Variants in RSKR observed in about 807,000 individuals in gnomAD.
The protein encoded by RSKR is ribosomal protein S6 kinase-related protein.
A neutral mutation model predicts 56.8 loss-of-function variants in RSKR; 44 were observed. The observed-to-expected ratio is 0.77, with a 90% CI of 0.61 to 1.00. The LOEUF is 1.00. Among genes scored for constraint, RSKR ranks in the 50% least tolerant of loss-of-function variants. The probability of loss-of-function intolerance (pLI) is 0.00; values close to 1 mark genes in which losing one functional copy is unlikely to be tolerated. For missense variants in RSKR, 510 were observed against 506.9 expected, an observed-to-expected ratio of 1.01 and a Z score of -0.06; for synonymous variants, 181 against 188.0, an observed-to-expected ratio of 0.96 and a Z score of 0.30.
At position 28,613,292 on chromosome 17, in the gene RSKR, A is replaced by G. The variant is rs148695448; in HGVS notation, c.378T>C (p.Asp126=). The stretch of plus-strand genomic sequence containing the variant: ...CTGCAAATACAGCTTTCTGGGTGCA[A>G]TCTAGCACCTTGAGGACAGTTCCAA... ...GSFGTVLKVL[D]CTQKAVFAVK... The change falls in exon 3 of 12, where the codon GAT becomes GAC. Residue 126 remains aspartate (D), a synonymous_variant. Transcript: ENST00000301037. 68 of 1,613,884 alleles carry G rather than the reference A, an allele frequency of 4.2e-5. No individual in the cohort carries two copies. Among genetic ancestry groups the G allele is most frequent in the Middle Eastern group, 1.6e-4 (1 of 6,084 alleles).
chr17:28,614,034 G>A (rs1401306464), intron 1 of RSKR, 53 bp downstream of exon 1: 2 of 1,593,436 alleles, frequency 1.3e-6, no homozygotes, highest in Non-Finnish European at 1.7e-6. Flanking sequence ...CAGGACTCAA[G>A]CCCATGTCTC....
chr17:28,611,159 G>A lies in RSKR; in HGVS notation c.995C>T (p.Ser332Leu), dbSNP rs1185422627. The A allele has an allele frequency of 3.3e-6, 5 of 1,536,128 alleles. No individual in the cohort carries two copies. The highest frequency in any genetic ancestry group is 3.5e-6 in the Non-Finnish European group (4 of 1,146,838). Residue 332 changes from serine (S) to leucine (L), a missense_variant, in exon 11 of 12, where the codon TCA becomes TTA. Physicochemically the swap from Ser to Leu is moderately radical, Grantham distance 145 (BLOSUM62 -2). Coordinates refer to ENST00000301037, the MANE Select transcript of RSKR (RefSeq NM_001174103.2). ...EIPASLNQGL[S>L]LLLHELLCQN... ...CATCCTTACCTCATGGAGCAGGAGT[G>A]AGAGGCCCTGGTTAAGAGAAGCTGG...
chr17:28,611,842 C>G (rs757318105), intron 7 of RSKR, 47 bp from the exon 8 acceptor site: 1 of 1,613,846 alleles, frequency 6.2e-7, no homozygotes, highest in South Asian at 1.1e-5. Flanking sequence ...CCTTTCAACT[C>G]TCTTTCATCA....
At position 28,609,581 on chromosome 17, in the gene RSKR, A is replaced by G. The variant is rs2070784420; in HGVS notation, c.*897T>C. 1 of 151,904 alleles carries G rather than the reference A, an allele frequency of 6.6e-6. No individual in the cohort carries two copies. 9.4% of individuals were successfully genotyped at this position (151,904 alleles called of 1,614,324 possible). The stretch of plus-strand genomic sequence containing the variant: ...GACTGGCCTCAAGCTCCCAGACTAT[A>G]TTTTTTAGCTGCATTATTTAGGGGT... On this transcript the variant is annotated 3_prime_UTR_variant, in exon 12 of 12. Transcript: ENST00000301037.
In RSKR at chr17:28,610,280, G is replaced by GACAGGGAAGGA; in HGVS notation, c.*197_*198insTCCTTCCCTGT. ...TGTTGAATTGAGAGGTAGGTTGTAT[G>GACAGGGAAGGA]ATAGGGAAGGAATAGGGCCAGCTGT... On this transcript the variant is annotated 3_prime_UTR_variant, in exon 12 of 12. Coordinates refer to ENST00000301037, the MANE Select transcript of RSKR (RefSeq NM_001174103.2). The GACAGGGAAGGA allele has an allele frequency of 1.7e-6, 1 of 586,724 alleles. No individual in the cohort carries two copies. Among genetic ancestry groups the GACAGGGAAGGA allele is most frequent in the Non-Finnish European group, 3.0e-6 (1 of 330,422 alleles). The allele number at this position is 586,724 out of a possible 1,614,324, so 36.3% of individuals were successfully genotyped here.
chr17:28,611,732 C>G, intron 8 of RSKR, 36 bp downstream of exon 8: 1 of 1,613,996 alleles, frequency 6.2e-7, no homozygotes, highest in Non-Finnish European at 8.5e-7. Flanking sequence ...ACCAAAGTAC[C>G]TCTCATCCTG....
chr17:28,612,513 T>A (rs1235049842), intron 5 of RSKR, 105 bp downstream of exon 5: 1 of 1,416,488 alleles, frequency 7.1e-7, no homozygotes, highest in African/African-American at 1.4e-5. Flanking sequence ...AGAGGTGCCA[T>A]GAGAAGGGGG....
At position 28,611,375 on chromosome 17, in the gene RSKR, C is replaced by G; in HGVS notation, c.900+18G>C. On this transcript the variant is annotated intron_variant, in intron 10 of 11. Transcript: ENST00000301037. ...AGGCAAAGCTCTTCTCTGCCCAAAACTACTACTATTCTCTCACCTTTCCAG... is the reference window on the plus strand; with the variant it reads ...AGGCAAAGCTCTTCTCTGCCCAAAAGTACTACTATTCTCTCACCTTTCCAG... 3 of 1,556,070 alleles carry G rather than the reference C, an allele frequency of 1.9e-6. No individual in the cohort carries two copies. In the South Asian group the frequency reaches 3.4e-5, roughly 18 times the overall value.
In RSKR at chr17:28,613,476, A is replaced by C. The variant is rs1341475562; in HGVS notation, c.288T>G (p.Phe96Leu). Residue 96 changes from phenylalanine to leucine, a missense_variant, in exon 2 of 12, where the codon TTT becomes TTG. Phe to Leu is a conservative substitution (Grantham distance 22). Transcript: ENST00000301037. ...PQFINLFLPE[F>L]PIRPIRGQQQ... ...GCTGCCCCCTAATGGGCCTAATGGG[A>C]AACTCTGGTAGAAAGAGGTTGATGA... is the stretch of plus-strand genomic sequence containing the variant. The C allele has an allele frequency of 6.2e-7, 1 of 1,614,142 alleles. No individual in the cohort carries two copies. Among genetic ancestry groups the C allele is most frequent in the South Asian group, 1.1e-5 (1 of 91,084 alleles).
At chr17:28,613,957 T>C (rs1373231420) in intron 1 of RSKR, 130 bp downstream of exon 1, 2 of 1,230,372 alleles carry the variant, frequency 1.6e-6, no homozygotes, top group Non-Finnish European at 2.3e-6. Flanking sequence ...GATGCTTTCA[T>C]AGTACAGCCT....
Position 28,611,761 on chromosome 17 carries a change from G to T in RSKR, c.721+7C>A, listed in dbSNP as rs1403902622. 3 of 1,614,178 alleles carry T rather than the reference G, an allele frequency of 1.9e-6. No homozygotes were observed. The highest frequency in any genetic ancestry group is 3.3e-5 in the Admixed American group (2 of 60,020). On this transcript the variant is annotated splice_region_variant and intron_variant, in intron 8 of 11. Transcript: ENST00000301037. ...CATCCTGGGGCTAAGGAAGGAAAAA[G>T]ACTTACCTCGTTCATCTAGAAGAAT...
Position 28,611,453 on chromosome 17 carries a change from G to C in RSKR, c.840C>G (p.Tyr280Ter), listed in dbSNP as rs185508082. Residue 280 changes from tyrosine (Y) to a stop codon, truncating the protein, a stop_gained, in exon 10 of 12, where the codon TAC becomes TAG. Coordinates refer to ENST00000301037, the MANE Select transcript of RSKR (RefSeq NM_001174103.2). LOFTEE classifies it high-confidence loss of function. ...MAPEVLSGGPYNHAADWWSLG... is the reference protein window; with the variant it reads ...MAPEVLSGGP ...GGGACCACCAATCAGCAGCATGGTT[G>C]TAAGGTCCTCCACTTAGGACCTCTG... is the stretch of plus-strand genomic sequence containing the variant. The C allele has an allele frequency of 2.4e-3, 3,882 of 1,606,312 alleles. 37 individuals carry two copies. The highest frequency in any genetic ancestry group is 1.7e-3 in the Non-Finnish European group (1,969 of 1,179,026).
chr17:28,612,900 G>T, intron 4 of RSKR, 178 bp downstream of exon 4: 1 of 769,862 alleles, frequency 1.3e-6, no homozygotes, highest in Non-Finnish European at 2.2e-6. Context: ...GATTTCCCTA[G>T]TAGGACATGG....
In RSKR at chr17:28,613,504, T is replaced by G. The variant is rs1597609678; in HGVS notation, c.260A>C (p.Gln87Pro). ...CTCTGGTAGAAAGAGGTTGATGAAC[T>G]GAGGCACTGGCCACTCTGGCAGAGG... Reference protein sequence around the residue: ...EKPLPEWPVPQFINLFLPEFP... With the variant: ...EKPLPEWPVPPFINLFLPEFP... Residue 87 changes from glutamine (Q) to proline (P), a missense_variant, in exon 2 of 12, where the codon CAG becomes CCG. Physicochemically the swap from Gln to Pro is moderately conservative, Grantham distance 76 (BLOSUM62 -1). Coordinates refer to ENST00000301037, the MANE Select transcript of RSKR (RefSeq NM_001174103.2). 6.2e-7 allele frequency: 1 copy of G among 1,614,226 alleles called. No individual in the cohort carries two copies. Among genetic ancestry groups the G allele is most frequent in the Non-Finnish European group, 8.5e-7 (1 of 1,180,030 alleles).
intron 11 of RSKR, 127 bp from the exon 12 acceptor site, chr17:28,610,826 G>A (rs2070802080): frequency 1.0e-6 from 1 of 959,226 alleles, no homozygotes. Flanking sequence ...AAGAGTAGAT[G>A]ATTTGTAAAA....
rs1567634796 is a variant in RSKR, at chr17:28,613,583, G to A, written c.181C>T (p.His61Tyr). 3 of 1,614,156 alleles carry A rather than the reference G, an allele frequency of 1.9e-6. No homozygotes were observed. The highest frequency in any genetic ancestry group is 1.1e-5 in the South Asian group (1 of 91,088). ...AGGGATTCCTGGTGCAGATAGTGGT[G>A]CCCCCGTAGTTCCCAGAGTTCTTCC... ...DLEELWELRG[H>Y]HYLHQESLKP... is the part of the protein sequence containing the mutation. The change falls in exon 2 of 12, where the codon CAC becomes TAC. Residue 61 changes from histidine (H) to tyrosine (Y), a missense_variant. Physicochemically the swap from His to Tyr is moderately conservative, Grantham distance 83. Transcript: ENST00000301037.
In RSKR at chr17:28,609,151, G is replaced by C. The variant is rs1205339528; in HGVS notation, c.*1327C>G. ...CCTCCAGGGTTCAAGCAGTTCTCCT[G>C]CTTCAGCCTTCTGAGTAGCTGGGAC... On this transcript the variant is annotated 3_prime_UTR_variant, in exon 12 of 12. Coordinates refer to ENST00000301037, the MANE Select transcript of RSKR (RefSeq NM_001174103.2). 7.0e-6 allele frequency: 1 copy of C among 142,536 alleles called. No individual in the cohort carries two copies. Among genetic ancestry groups the C allele is most frequent in the Non-Finnish European group, 1.5e-5 (1 of 67,122 alleles). 8.8% of individuals were successfully genotyped at this position (142,536 alleles called of 1,614,324 possible).
At position 28,614,177 on chromosome 17, in the gene RSKR, CCT is replaced by C. The variant is rs767860047; in HGVS notation, c.-18_-17del. On this transcript the variant is annotated 5_prime_UTR_variant, in exon 1 of 12. Transcript: ENST00000301037. ...CTGCTCCCATTCCCAGCCTCTGCCT[CCT>C]CTCTCTGCTAAATCTGCTGTCCCAG... The C allele has an allele frequency of 1.5e-5, 24 of 1,612,816 alleles. 1 individual carries two copies. Among genetic ancestry groups the C allele is most frequent in the South Asian group, 1.3e-4 (12 of 91,090 alleles).
Position 28,611,593 on chromosome 17 carries a change from G to C in RSKR, c.785C>G (p.Thr262Ser), listed in dbSNP as rs772024166. 2 of 1,562,872 alleles carry C rather than the reference G, an allele frequency of 1.3e-6. No homozygotes were observed. The highest frequency in any genetic ancestry group is 2.5e-5 in the South Asian group (2 of 81,160). The change falls in exon 9 of 12, where the codon ACT becomes AGT. Residue 262 changes from threonine to serine, a missense_variant. Transcript: ENST00000301037. ...CATGTACTGAAGAGTGCCACAGATA[G>C]TGTAGGCTTGAGCTCCCTGGGGCAC... Reference protein sequence around the residue: ...RHVPQGAQAYTICGTLQYMAP... With the variant: ...RHVPQGAQAYSICGTLQYMAP...
Sources: allele counts gnomAD v4.1 joint callset, GRCh38; gene constraint gnomAD v4.1.1; transcripts MANE v1.5; gene names NCBI Gene and HGNC (gene_info 2026-07-23, HGNC 2026-07-21).